The following ZBTB20 variants were observed in gnomAD, a reference collection of about 807,000 sequenced individuals.
The protein encoded by ZBTB20 is zinc finger and BTB domain-containing protein 20.
In ZBTB20, 9 loss-of-function variants were observed where a neutral mutation model predicts 56.9. That is an observed-to-expected ratio of 0.16 (90% CI 0.10 to 0.28). The LOEUF is 0.28. Ranked by LOEUF, ZBTB20 falls within the 10% of genes least tolerant of loss-of-function variation. ZBTB20 has a pLI of 1.00. For synonymous variants in ZBTB20, 417 were observed against 420.7 expected (o/e 0.99, Z 0.11); for missense variants, 655 against 1,003.0 (o/e 0.65, Z 4.69).
chr3:115,070,226 C>A (rs1045819349), intron 2 of ZBTB20, among the ~76,000 whole-genome samples: 2 of 152,202 alleles, frequency 1.3e-5, no homozygotes, highest in African/African-American at 4.8e-5. Flanking sequence ...AGTTGTCTAG[C>A]CCACACCTTT....
rs373033173 is a variant in ZBTB20 at position 114,583,320 on chromosome 3, G to A, written c.-294-82929C>T. On this transcript the variant is annotated intron_variant, in intron 6 of 11. Transcript: ENST00000675478. ...AGGAAACCCTCAAAAATTAAGTTTC[G>A]CATAAGTGAAAAATACAGTATTTAT... Among the ~76,000 whole-genome samples the A allele has an allele frequency of 9.2e-5, 14 of 152,200 alleles. No homozygotes were observed. The East Asian group carries it at 1.2e-3, about 13-fold the overall frequency.
chr3:115,093,517 G>C (rs144841262), intron 1 of ZBTB20, among the ~76,000 whole-genome samples: 17 of 152,286 alleles, frequency 1.1e-4, no homozygotes, highest in African/African-American at 3.8e-4. Flanking sequence ...CATTCAGACT[G>C]CTAGAAAAGT....
intron 7 of ZBTB20, among the ~76,000 whole-genome samples, chr3:114,478,185 C>T (rs550890214): frequency 4.0e-5 from 6 of 149,698 alleles, no homozygotes; most frequent in East Asian, 2.0e-4. Context: ...AGGCTGGTCT[C>T]GAACTCCTGA....
intron 3 of ZBTB20, among the ~76,000 whole-genome samples, chr3:114,921,719 TG>T (rs1477644386): frequency 2.7e-4 from 18 of 66,602 alleles, no homozygotes; most frequent in African/African-American, 1.1e-3. Context: ...TGTTTTGGGG[TG>T]GGGGGAGGGG....
chr3:114,698,342 C>T (rs1280004526), intron 5 of ZBTB20, among the ~76,000 whole-genome samples: 3 of 151,986 alleles, frequency 2.0e-5, no homozygotes, highest in South Asian at 2.1e-4. Flanking sequence ...TGAGGAAGAA[C>T]GCTAAATTGA....
chr3:114,473,658 CCT>C (rs2040407339), intron 7 of ZBTB20, among the ~76,000 whole-genome samples: 1 of 151,918 alleles, frequency 6.6e-6, no homozygotes, highest in Non-Finnish European at 1.5e-5. Flanking sequence ...TGGTGAGACC[CCT>C]GTCTCTAAAA....
chr3:114,316,237 G>A lies in ZBTB20; in HGVS notation c.*22768C>T, dbSNP rs780430895. On this transcript the variant is annotated 3_prime_UTR_variant, in exon 12 of 12. Coordinates refer to ENST00000675478, the MANE Select transcript of ZBTB20 (RefSeq NM_001348800.3). ...ATTCGCATCGGATCAAGATGGTTTC[G>A]CCCATTTTTCCTTTTTCACTAACAC... 1.0e-4 allele frequency: 33 copies of A among 314,310 alleles called. No homozygotes were observed. The highest frequency in any genetic ancestry group is 2.1e-4 in the African/African-American group (9 of 43,280). 19.5% of individuals were successfully genotyped at this position (314,310 alleles called of 1,614,324 possible).
intron 4 of ZBTB20, among the ~76,000 whole-genome samples, chr3:114,896,750 T>C (rs2074898781): frequency 6.6e-6 from 1 of 152,126 alleles, no homozygotes; most frequent in African/African-American, 2.4e-5. Context: ...AAAAAATAGT[T>C]AAGATAGTAA....
intron 7 of ZBTB20, among the ~76,000 whole-genome samples, chr3:114,483,240 C>A (rs993545165): frequency 6.6e-6 from 1 of 151,810 alleles, no homozygotes; most frequent in Non-Finnish European, 1.5e-5. Context: ...AATAATTTTC[C>A]CATAATGATG....
chr3:114,547,984 T>A (rs975380539), intron 6 of ZBTB20, among the ~76,000 whole-genome samples: 1 of 152,232 alleles, frequency 6.6e-6, no homozygotes, highest in Admixed American at 6.5e-5. Flanking sequence ...CAATAATTTT[T>A]CTTAGTGTAC....
chr3:114,985,064 T>C (rs1487748808), intron 2 of ZBTB20, among the ~76,000 whole-genome samples: 2 of 152,098 alleles, frequency 1.3e-5, no homozygotes, highest in African/African-American at 4.8e-5. Flanking sequence ...AAGTCACTTT[T>C]GATCCCACTG....
intron 1 of ZBTB20, among the ~76,000 whole-genome samples, chr3:115,145,131 A>G (rs1047483801): frequency 2.0e-5 from 3 of 152,234 alleles, no homozygotes; most frequent in Non-Finnish European, 4.4e-5. Flanking sequence ...GGGCAATTTC[A>G]AAAGCTTTCC....
At chr3:114,787,366 T>TATATATATATATACACAC (rs1278656494) in intron 5 of ZBTB20, among the ~76,000 whole-genome samples, 6 of 82,910 alleles carry the variant, frequency 7.2e-5, no homozygotes, top group African/African-American at 3.2e-4. Flanking sequence ...TATATATATA[T>TATATATATATATACACAC]ATACACACAC....
chr3:114,991,157 G>A (rs988595203), intron 2 of ZBTB20, among the ~76,000 whole-genome samples: 4 of 152,022 alleles, frequency 2.6e-5, no homozygotes, highest in Admixed American at 2.6e-4. Flanking sequence ...GCTTTTGAAC[G>A]CTTTTGCTCT....
chr3:114,909,794 T>G (rs143517105), intron 3 of ZBTB20, among the ~76,000 whole-genome samples: 2 of 151,922 alleles, frequency 1.3e-5, no homozygotes, highest in Non-Finnish European at 2.9e-5. Flanking sequence ...ACTCATGCAA[T>G]GCAGCTAAAC....
intron 5 of ZBTB20, among the ~76,000 whole-genome samples, chr3:114,796,452 A>G (rs1298737590): frequency 3.3e-5 from 5 of 151,976 alleles, no homozygotes; most frequent in African/African-American, 1.2e-4. Context: ...AATTATTGAA[A>G]GTTTTATCTG....
intron 2 of ZBTB20, among the ~76,000 whole-genome samples, chr3:115,049,701 G>A (rs1405095380): frequency 2.0e-5 from 3 of 152,048 alleles, no homozygotes; most frequent in African/African-American, 7.2e-5. Flanking sequence ...AAGGCAAACT[G>A]TTTAGTCAAT....
chr3:114,757,666 T>A (rs577664720), intron 5 of ZBTB20, among the ~76,000 whole-genome samples: 1 of 152,224 alleles, frequency 6.6e-6, no homozygotes, highest in East Asian at 1.9e-4. Flanking sequence ...CTTTAAAAAA[T>A]ATATTTTCTA....
chr3:114,853,822 C>A (rs1395866262), intron 4 of ZBTB20, among the ~76,000 whole-genome samples: 1 of 152,110 alleles, frequency 6.6e-6, no homozygotes, highest in Admixed American at 6.6e-5. Context: ...GTAAAATGAC[C>A]TCATGTGAGT....
Sources: gnomAD v4.1 joint callset for allele counts (sites outside exome capture counted in the v4.1 genomes callset) on GRCh38, gnomAD v4.1.1 for gene constraint, MANE v1.5 for transcripts, NCBI Gene and HGNC (gene_info 2026-07-23, HGNC 2026-07-21) for gene names.